Variants in SPMIP7 observed in about 807,000 individuals in gnomAD.
The protein encoded by SPMIP7 is protein SPMIP7.
the SPMIP7 span, among the ~76,000 whole-genome samples, chr7:50,113,578 T>A: frequency 2.6e-5 from 4 of 152,106 alleles, no homozygotes; most frequent in Non-Finnish European, 5.9e-5. Flanking sequence ...ACAGAGCAGA[T>A]CTTGCATGAT....
chr7:50,158,416 G>A, the SPMIP7 span, among the ~76,000 whole-genome samples: 1 of 145,774 alleles, frequency 6.9e-6, no homozygotes, highest in Non-Finnish European at 1.5e-5. Context: ...ACCCACCCAT[G>A]TCTTCTCTTT....
the SPMIP7 span, among the ~76,000 whole-genome samples, chr7:50,139,932 A>G: frequency 2.6e-5 from 4 of 152,232 alleles, no homozygotes; most frequent in Non-Finnish European, 4.4e-5. Context: ...AGACCCAAAA[A>G]TTTATTATAT....
At chr7:50,134,041 A>G in the SPMIP7 span, 2 of 1,361,642 alleles carry the variant, frequency 1.5e-6, no homozygotes, top group Non-Finnish European at 2.0e-6. Flanking sequence ...TCATAGTATC[A>G]TATTGTTATA....
At chr7:50,109,904 C>T in the SPMIP7 span, among the ~76,000 whole-genome samples, 6 of 151,984 alleles carry the variant, frequency 3.9e-5, no homozygotes, top group Non-Finnish European at 8.8e-5. Context: ...GAATAATGTT[C>T]ATTTATATTC....
chr7:50,119,383 C>T, the SPMIP7 span, among the ~76,000 whole-genome samples: 1 of 152,190 alleles, frequency 6.6e-6, no homozygotes, highest in African/African-American at 2.4e-5. Context: ...ATCATGAAAA[C>T]TGAAAACCTT....
At chr7:50,120,705 G>C in the SPMIP7 span, among the ~76,000 whole-genome samples, 1 of 152,156 alleles carries the variant, frequency 6.6e-6, no homozygotes, top group Non-Finnish European at 1.5e-5. Flanking sequence ...GGATGGCAAG[G>C]CTGGCTAGTC....
the SPMIP7 span, among the ~76,000 whole-genome samples, chr7:50,112,509 A>G: frequency 1.3e-5 from 1 of 74,600 alleles, no homozygotes; most frequent in Non-Finnish European, 3.0e-5. Flanking sequence ...AAAAGAAAGC[A>G]CGAAAAGAAA....
chr7:50,124,695 T>C, the SPMIP7 span, among the ~76,000 whole-genome samples: 1 of 152,116 alleles, frequency 6.6e-6, no homozygotes, highest in Non-Finnish European at 1.5e-5. Flanking sequence ...AAATAAAACA[T>C]ATCAAATTTT....
At chr7:50,096,968 GTC>G in the SPMIP7 span, among the ~76,000 whole-genome samples, 1 of 152,160 alleles carries the variant, frequency 6.6e-6, no homozygotes, top group African/African-American at 2.4e-5. Flanking sequence ...CTCCTTATCT[GTC>G]TCTCTCCTTT....
the SPMIP7 span, among the ~76,000 whole-genome samples, chr7:50,126,182 G>C: frequency 6.6e-6 from 1 of 151,822 alleles, no homozygotes; most frequent in African/African-American, 2.4e-5. Flanking sequence ...TAGACCTATT[G>C]TTAGACTGAT....
chr7:50,139,432 A>T, the SPMIP7 span, among the ~76,000 whole-genome samples: 12 of 152,062 alleles, frequency 7.9e-5, no homozygotes, highest in East Asian at 3.8e-4. Flanking sequence ...TACATTTTTT[A>T]AAATGTAATT....
At chr7:50,108,635 A>G in the SPMIP7 span, among the ~76,000 whole-genome samples, 2 of 152,186 alleles carry the variant, frequency 1.3e-5, no homozygotes, top group Non-Finnish European at 2.9e-5. Context: ...ATTTCAGACT[A>G]TGATGACTCC....
the SPMIP7 span, among the ~76,000 whole-genome samples, chr7:50,118,133 T>A: frequency 6.6e-6 from 1 of 152,160 alleles, no homozygotes; most frequent in Non-Finnish European, 1.5e-5. Flanking sequence ...TTTAACAAAC[T>A]GTGAAATGTG....
chr7:50,153,329 T>C, the SPMIP7 span, among the ~76,000 whole-genome samples: 8 of 152,140 alleles, frequency 5.3e-5, no homozygotes, highest in African/African-American at 1.9e-4. Context: ...TGGCTATAAA[T>C]GGGAACAGCT....
chr7:50,123,417 T>C, the SPMIP7 span, among the ~76,000 whole-genome samples: 1 of 91,030 alleles, frequency 1.1e-5, no homozygotes, highest in Non-Finnish European at 2.1e-5. Context: ...GGGACTGTTG[T>C]GGGGTGGGGG....
At chr7:50,130,800 A>G in the SPMIP7 span, among the ~76,000 whole-genome samples, 3 of 151,958 alleles carry the variant, frequency 2.0e-5, no homozygotes, top group Non-Finnish European at 4.4e-5. Flanking sequence ...GTGACTCTAT[A>G]CCCTGAAGAG....
the SPMIP7 span, among the ~76,000 whole-genome samples, chr7:50,146,297 G>A: frequency 6.6e-6 from 1 of 152,198 alleles, no homozygotes; most frequent in Non-Finnish European, 1.5e-5. Flanking sequence ...CATTTCATGA[G>A]TGGTAAAAAG....
the SPMIP7 span, among the ~76,000 whole-genome samples, chr7:50,137,736 T>C: frequency 6.6e-6 from 1 of 152,182 alleles, no homozygotes; most frequent in Non-Finnish European, 1.5e-5. Flanking sequence ...ATTATAATTT[T>C]AGTTTACATC....
At chr7:50,154,288 C>G in the SPMIP7 span, among the ~76,000 whole-genome samples, 2 of 152,122 alleles carry the variant, frequency 1.3e-5, no homozygotes, top group African/African-American at 2.4e-5. Context: ...ATCCTGAATA[C>G]GATGCACTAT....
Sources: allele counts gnomAD v4.1 joint callset (sites outside exome capture counted in the v4.1 genomes callset), GRCh38; gene constraint gnomAD v4.1.1; transcripts MANE v1.5; gene names NCBI Gene and HGNC (gene_info 2026-07-23, HGNC 2026-07-21).